The following BABAM2 variants were observed in gnomAD, a reference collection of about 807,000 sequenced individuals.
The protein encoded by BABAM2 is BRISC and BRCA1-A complex member 2.
BABAM2 carries 31 observed loss-of-function variants against 54.7 expected under a neutral mutation model. That is an observed-to-expected ratio of 0.57 (90% CI 0.43 to 0.77). The LOEUF is 0.77. Ranked by LOEUF, BABAM2 falls within the 30% of genes least tolerant of loss-of-function variation. The pLI is 0.00. For missense variants in BABAM2, 364 were observed against 455.8 expected (o/e 0.80, Z 1.83); for synonymous variants, 167 against 162.9 (o/e 1.03, Z -0.19).
chr2:28,263,110 G>A (rs1684668748), intron 10 of BABAM2, among the ~76,000 whole-genome samples: 1 of 141,094 alleles, frequency 7.1e-6, no homozygotes, highest in Non-Finnish European at 1.5e-5. Flanking sequence ...ACTTATTTGA[G>A]GTAACAGCAA....
chr2:28,118,257 A>C (rs1558354056), intron 6 of BABAM2, among the ~76,000 whole-genome samples: 1 of 152,202 alleles, frequency 6.6e-6, no homozygotes, highest in Non-Finnish European at 1.5e-5. Context: ...TGCTGGGTCA[A>C]ATGGTATCTC....
intron 6 of BABAM2, among the ~76,000 whole-genome samples, chr2:28,094,909 T>TC (rs2148698318): frequency 1.4e-5 from 2 of 147,400 alleles, no homozygotes; most frequent in African/African-American, 2.5e-5. Context: ...TCCCTCTTCT[T>TC]TTTTTTTTTT....
At chr2:28,246,817 G>A (rs1682957568) in intron 10 of BABAM2, among the ~76,000 whole-genome samples, 2 of 152,166 alleles carry the variant, frequency 1.3e-5, no homozygotes, top group Non-Finnish European at 2.9e-5. Flanking sequence ...AGAAGAAATT[G>A]TCACTTGCAA....
At chr2:28,194,392 C>T (rs1677276537) in intron 7 of BABAM2, among the ~76,000 whole-genome samples, 1 of 152,046 alleles carries the variant, frequency 6.6e-6, no homozygotes, top group Non-Finnish European at 1.5e-5. Flanking sequence ...TGACCTCTTT[C>T]TAGGCAAGAT....
At chr2:28,122,965 G>A (rs1669206277) in intron 6 of BABAM2, among the ~76,000 whole-genome samples, 1 of 151,976 alleles carries the variant, frequency 6.6e-6, no homozygotes, top group Non-Finnish European at 1.5e-5. Context: ...AAGGAATTAA[G>A]GAGATAAATA....
chr2:27,903,211 G>A (rs531060120), intron 2 of BABAM2, among the ~76,000 whole-genome samples: 12 of 152,000 alleles, frequency 7.9e-5, no homozygotes, highest in African/African-American at 2.9e-4. Context: ...TTCTGTTTTG[G>A]TCAGTCAGCC....
chr2:28,190,019 G>C (rs1167224817), intron 7 of BABAM2, among the ~76,000 whole-genome samples: 1 of 152,146 alleles, frequency 6.6e-6, no homozygotes, highest in African/African-American at 2.4e-5. Context: ...TTTTGACAGA[G>C]TTGCCCAGGT....
chr2:28,247,292 C>G lies in BABAM2; in HGVS notation c.934+2430C>G, dbSNP rs374499693. ...ACTTTGATGCTGTTTCCTGCTCCCT[C>G]ACTAACTCACAGCCTGTCTTTAAAT... On this transcript the variant is annotated intron_variant, in intron 10 of 11. Transcript: ENST00000379624. Among the ~76,000 whole-genome samples, 19 of 152,352 alleles carry G rather than the reference C, an allele frequency of 1.2e-4. No homozygotes were observed. In the South Asian group the frequency reaches 3.7e-3, roughly 30 times the overall value.
chr2:27,967,189 C>A (rs1302743747), intron 3 of BABAM2, among the ~76,000 whole-genome samples: 1 of 152,170 alleles, frequency 6.6e-6, no homozygotes. Context: ...TTGGCTGTGT[C>A]CCCACCCCAG....
intron 3 of BABAM2, among the ~76,000 whole-genome samples, chr2:27,946,821 AC>A (rs1192112982): frequency 6.6e-6 from 1 of 152,158 alleles, no homozygotes; most frequent in African/African-American, 2.4e-5. Flanking sequence ...GCGAGTTTTT[AC>A]AGCCTTGTCT....
intron 7 of BABAM2, among the ~76,000 whole-genome samples, chr2:28,139,247 A>G (rs1169566997): frequency 7.0e-6 from 1 of 143,494 alleles, no homozygotes; most frequent in African/African-American, 2.6e-5. Flanking sequence ...GCTTGAACGG[A>G]GAGGTGGAGG....
chr2:28,153,150 A>G (rs1005298590), intron 7 of BABAM2, among the ~76,000 whole-genome samples: 2 of 152,196 alleles, frequency 1.3e-5, no homozygotes, highest in African/African-American at 4.8e-5. Context: ...TTAGCATTTA[A>G]GAATGCAAAG....
chr2:28,082,397 T>C (rs1354775932), intron 6 of BABAM2, among the ~76,000 whole-genome samples: 3 of 152,216 alleles, frequency 2.0e-5, no homozygotes, highest in African/African-American at 7.2e-5. Flanking sequence ...ATCTGAATTC[T>C]GTTGGTGCTT....
intron 3 of BABAM2, among the ~76,000 whole-genome samples, chr2:27,971,471 G>A (rs571226489): frequency 7.9e-5 from 12 of 151,782 alleles, no homozygotes; most frequent in African/African-American, 1.2e-4. Flanking sequence ...GTTTTTCATC[G>A]TTTCCTCCAA....
chr2:27,893,224 T>C (rs1335216158), intron 1 of BABAM2, among the ~76,000 whole-genome samples: 1 of 152,172 alleles, frequency 6.6e-6, no homozygotes, highest in African/African-American at 2.4e-5. Context: ...AGGCTTTCAT[T>C]TAGAAATCTA....
At position 28,038,977 on chromosome 2, in the gene BABAM2, T is replaced by A. The variant is rs1676872213; in HGVS notation, c.496-6748T>A. On this transcript the variant is annotated intron_variant, in intron 5 of 11. Coordinates refer to ENST00000379624, the MANE Select transcript of BABAM2 (RefSeq NM_199191.3). ...ATCTTCAAACTGCTTTCCACCTGCCTGAACTAACTTACATTCCCACTAACA... is the reference window on the plus strand; with the variant it reads ...ATCTTCAAACTGCTTTCCACCTGCCAGAACTAACTTACATTCCCACTAACA... 1.3e-5 allele frequency among the ~76,000 whole-genome samples: 2 copies of A among 152,340 alleles called. 1 individual carries two copies. Among genetic ancestry groups the A allele is most frequent in the South Asian group, 4.1e-4 (2 of 4,832 alleles).
At chr2:27,908,604 C>G (rs1182115936) in intron 2 of BABAM2, among the ~76,000 whole-genome samples, 1 of 152,096 alleles carries the variant, frequency 6.6e-6, no homozygotes, top group East Asian at 1.9e-4. Flanking sequence ...TTGGCTCCCT[C>G]CTTTCCTCCC....
intron 10 of BABAM2, among the ~76,000 whole-genome samples, chr2:28,253,836 G>A (rs956463694): frequency 6.6e-6 from 1 of 152,116 alleles, no homozygotes; most frequent in Admixed American, 6.6e-5. Flanking sequence ...TGAAGACAAC[G>A]GGGCATTAAG....
chr2:28,276,166 T>A (rs1048035711), intron 10 of BABAM2, among the ~76,000 whole-genome samples: 10 of 152,126 alleles, frequency 6.6e-5, no homozygotes, highest in Non-Finnish European at 1.5e-4. Context: ...GAGATGTAAT[T>A]TGTACTGTTT....
Sources: allele counts gnomAD v4.1 joint callset (sites outside exome capture counted in the v4.1 genomes callset), GRCh38; gene constraint gnomAD v4.1.1; transcripts MANE v1.5; gene names NCBI Gene and HGNC (gene_info 2026-07-23, HGNC 2026-07-21).